PPFIA3: variants seen among roughly 807,000 people sequenced by gnomAD.
The protein encoded by PPFIA3 is PPFI scaffold protein A3.
PPFIA3 carries 26 observed loss-of-function variants against 145.8 expected under a neutral mutation model. The observed-to-expected ratio is 0.18, with a 90% confidence interval of 0.13 to 0.25. PPFIA3 has a LOEUF of 0.25. Ranked by LOEUF, PPFIA3 falls within the 10% of genes least tolerant of loss-of-function variation. The probability of loss-of-function intolerance (pLI) is 1.00; values close to 1 mark genes in which losing one functional copy is unlikely to be tolerated. For synonymous variants in PPFIA3, 645 were observed against 661.4 expected, an observed-to-expected ratio of 0.98 and a Z score of 0.38; for missense variants, 1,008 against 1,587.8, an observed-to-expected ratio of 0.63 and a Z score of 6.21.
chr19:49,139,625 G>A (rs372164014), intron 16 of PPFIA3, 43 bp from the exon 17 acceptor site: 1 of 1,520,430 alleles, frequency 6.6e-7, no homozygotes, highest in African/African-American at 1.4e-5. Context: ...CCCCCGACAT[G>A]ACTCTTTGAA....
At position 49,130,619 on chromosome 19, in the gene PPFIA3, G is replaced by C. The variant is rs373617726; in HGVS notation, c.879+20G>C. On this transcript the variant is annotated intron_variant, in intron 7 of 29. Transcript: ENST00000334186. This position sits in a 1 kb window ranked among gnomAD's most constrained non-coding sequence, Gnocchi z 4.5. ...AAGGAGGTGAGGCCCCCAGGGAGGCGGGCTGCCCTGGGTCCCTCGCCTTTC... is the reference window on the plus strand; with the variant it reads ...AAGGAGGTGAGGCCCCCAGGGAGGCCGGCTGCCCTGGGTCCCTCGCCTTTC... 110 of 1,542,360 alleles carry C rather than the reference G, an allele frequency of 7.1e-5. 1 individual carries two copies. The Admixed American group carries it at 8.1e-4, about 11-fold the overall frequency.
In PPFIA3 at chr19:49,140,070, C is replaced by A. The variant is rs979564073; in HGVS notation, c.2350C>A (p.Arg784=). The change falls in exon 18 of 30, where the codon CGG becomes AGG. Residue 784 remains arginine, a synonymous_variant. Transcript: ENST00000334186. ...GAAGGGACGAATGGGACCCCCAGGC[C>A]GGGACAGCTCTTCTCTGGGTGAGTA... ...KEKGRMGPPG[R]DSSSLAGTPS... is the part of the protein sequence containing the mutation. The A allele has an allele frequency of 1.9e-6, 3 of 1,613,952 alleles. No homozygotes were observed. Among genetic ancestry groups the A allele is most frequent in the Non-Finnish European group, 2.5e-6 (3 of 1,180,044 alleles).
rs2041201837 is a variant in PPFIA3, at chr19:49,140,228, C to G, written c.2368+140C>G. The G allele has an allele frequency of 3.4e-6, 4 of 1,170,964 alleles. No individual in the cohort carries two copies. The Admixed American group carries it at 9.8e-5, about 29-fold the overall frequency. The allele number at this position is 1,170,964 out of a possible 1,614,324, so 72.5% of individuals were successfully genotyped here. On this transcript the variant is annotated intron_variant, in intron 18 of 29. Coordinates refer to ENST00000334186, the MANE Select transcript of PPFIA3 (RefSeq NM_003660.4). ...ATTTATTTAGAATTTGGAAGGAACACAGCTTGCCAAGGTAGGCGGGAGGAG... is the reference window on the plus strand; with the variant it reads ...ATTTATTTAGAATTTGGAAGGAACAGAGCTTGCCAAGGTAGGCGGGAGGAG...
chr19:49,134,488 G>A, intron 11 of PPFIA3, 151 bp from the exon 12 acceptor site: 1 of 774,520 alleles, frequency 1.3e-6, no homozygotes, highest in Non-Finnish European at 2.2e-6. Flanking sequence ...CAGAAACATC[G>A]TTGCCCCTGC....
rs561486967 is a variant in PPFIA3, at chr19:49,141,763, A to T, written c.2462+250A>T. ...GTTTTTATTTTTTCTTTCTTTTTTT[A>T]AAAATTTTTTTTGTATTTTTTACAT... is the stretch of plus-strand genomic sequence containing the variant. On this transcript the variant is annotated intron_variant, in intron 19 of 29. Coordinates refer to ENST00000334186, the MANE Select transcript of PPFIA3 (RefSeq NM_003660.4). Among the ~76,000 whole-genome samples the T allele has an allele frequency of 6.4e-5, 9 of 140,186 alleles. No homozygotes were observed. In the South Asian group the frequency reaches 2.0e-3, roughly 32 times the overall value. 92.0% of individuals were successfully genotyped at this position (140,186 alleles called of 152,430 possible).
At chr19:49,138,889 T>G (rs965835383) in intron 16 of PPFIA3, among the ~76,000 whole-genome samples, 4 of 151,798 alleles carry the variant, frequency 2.6e-5, no homozygotes, top group African/African-American at 7.3e-5. Flanking sequence ...GAGAATCAAT[T>G]GAACCCAAGA....
In PPFIA3 at chr19:49,150,293, G is replaced by A; in HGVS notation, c.*71G>A. 2 of 808,408 alleles carry A rather than the reference G, an allele frequency of 2.5e-6. No homozygotes were observed. Among genetic ancestry groups the A allele is most frequent in the East Asian group, 2.8e-5 (1 of 36,032 alleles). The allele number at this position is 808,408 out of a possible 1,614,324, so 50.1% of individuals were successfully genotyped here. On this transcript the variant is annotated 3_prime_UTR_variant, in exon 30 of 30. Transcript: ENST00000334186. ...GGCTGGGCTGTTCCCTCTCCTGCCC[G>A]GACTGTGGCCTCGCCGGGGAGAGCG...
In PPFIA3 at chr19:49,128,578, G is replaced by T; in HGVS notation, c.342+110G>T. 1 of 1,051,002 alleles carries T rather than the reference G, an allele frequency of 9.5e-7. No homozygotes were observed. The highest frequency in any genetic ancestry group is 2.6e-5 in the East Asian group (1 of 38,688). The allele number at this position is 1,051,002 out of a possible 1,614,324, so 65.1% of individuals were successfully genotyped here. Reference sequence around the variant, plus strand: ...GTGACCTATTTTTTTCCCCCATCTCGCCTTTCTGTCTTCTCCTCTTCCCTG... The same window carrying T: ...GTGACCTATTTTTTTCCCCCATCTCTCCTTTCTGTCTTCTCCTCTTCCCTG... On this transcript the variant is annotated intron_variant, in intron 3 of 29. Coordinates refer to ENST00000334186, the MANE Select transcript of PPFIA3 (RefSeq NM_003660.4). This position sits in a 1 kb window ranked among gnomAD's most constrained non-coding sequence, Gnocchi z 4.1.
In PPFIA3 at chr19:49,149,999, G is replaced by A. The variant is rs571441737; in HGVS notation, c.3527-81G>A. ...CCGGCGATCGTTGTGACATCGGGAA[G>A]GGAAGTCCAAAGGGAGGAATCCTGG... is the stretch of plus-strand genomic sequence containing the variant. On this transcript the variant is annotated intron_variant, in intron 28 of 29. Coordinates refer to ENST00000334186, the MANE Select transcript of PPFIA3 (RefSeq NM_003660.4). This position sits in a 1 kb window ranked among gnomAD's most constrained non-coding sequence, Gnocchi z 5.7. 1 of 1,471,348 alleles carries A rather than the reference G, an allele frequency of 6.8e-7. No individual in the cohort carries two copies. Among genetic ancestry groups the A allele is most frequent in the South Asian group, 1.2e-5 (1 of 81,758 alleles). 91.1% of individuals were successfully genotyped at this position (1,471,348 alleles called of 1,614,324 possible). A position where few individuals can be genotyped will look rare whatever the true frequency, so the allele number is the denominator to read the frequency against.
At chr19:49,126,781 A>G (rs2041004589) in intron 1 of PPFIA3, among the ~76,000 whole-genome samples, 1 of 151,902 alleles carries the variant, frequency 6.6e-6, no homozygotes, top group Non-Finnish European at 1.5e-5. Flanking sequence ...TCTGGGCCTC[A>G]GTTTTCCTAC....
intron 21 of PPFIA3, among the ~76,000 whole-genome samples, chr19:49,143,966 C>G (rs144887653): frequency 6.6e-6 from 1 of 152,262 alleles, no homozygotes; most frequent in African/African-American, 2.4e-5. Context: ...ATCTCATACA[C>G]ATGCCTAAAA....
intron 23 of PPFIA3, among the ~76,000 whole-genome samples, 185 bp from the exon 24 acceptor site, chr19:49,147,898 A>G (rs1176541488): frequency 6.6e-6 from 1 of 152,188 alleles, no homozygotes; most frequent in Non-Finnish European, 1.5e-5. Context: ...AGCCAAGAGT[A>G]TATGCTGTCA....
intron 1 of PPFIA3, among the ~76,000 whole-genome samples, chr19:49,126,953 T>C (rs1311448862): frequency 6.6e-6 from 1 of 151,856 alleles, no homozygotes; most frequent in African/African-American, 2.4e-5. Context: ...GACCTCAGTT[T>C]TCCCAAATCC....
At position 49,128,670 on chromosome 19, in the gene PPFIA3, C is replaced by A. The variant is rs979373198; in HGVS notation, c.343-178C>A. 1.3e-6 allele frequency: 1 copy of A among 773,270 alleles called. No homozygotes were observed. The highest frequency in any genetic ancestry group is 2.0e-6 in the Non-Finnish European group (1 of 491,188). The allele number at this position is 773,270 out of a possible 1,614,324, so 47.9% of individuals were successfully genotyped here. ...TCCTCCCTGTCTCCATAACTTTTCTCTTTTCTGTACCACCGGTTCCTTGAC... is the reference window on the plus strand; with the variant it reads ...TCCTCCCTGTCTCCATAACTTTTCTATTTTCTGTACCACCGGTTCCTTGAC... On this transcript the variant is annotated intron_variant, in intron 3 of 29. Transcript: ENST00000334186. This position sits in a 1 kb window ranked among gnomAD's most constrained non-coding sequence, Gnocchi z 4.1.
At chr19:49,142,719 TC>T in intron 20 of PPFIA3, 84 bp from the exon 21 acceptor site, 1 of 1,212,426 alleles carries the variant, frequency 8.2e-7, no homozygotes, top group South Asian at 1.3e-5. Context: ...CCCTTGCCTT[TC>T]CCCACCTCCC....
At chr19:49,139,446 G>A (rs1359464698) in intron 16 of PPFIA3, among the ~76,000 whole-genome samples, 1 of 146,788 alleles carries the variant, frequency 6.8e-6, no homozygotes, top group African/African-American at 2.6e-5. Context: ...CCGAGATTGT[G>A]CCATTGCACT....
rs746605145 is a variant in PPFIA3 at position 49,149,210 on chromosome 19, C to T, written c.3285+42C>T. On this transcript the variant is annotated intron_variant, in intron 26 of 29. Coordinates refer to ENST00000334186, the MANE Select transcript of PPFIA3 (RefSeq NM_003660.4). This position sits in a 1 kb window ranked among gnomAD's most constrained non-coding sequence, Gnocchi z 5.7. ...CCCGGAGCATGCTGGGCGTCCCCAC[C>T]TCGCAGACTGCACGCTCCAACCGCC... The T allele has an allele frequency of 1.2e-6, 2 of 1,614,016 alleles. No individual in the cohort carries two copies. The highest frequency in any genetic ancestry group is 1.7e-6 in the Non-Finnish European group (2 of 1,179,938).
chr19:49,145,617 C>A, intron 21 of PPFIA3: 3 of 379,214 alleles, frequency 7.9e-6, no homozygotes, highest in South Asian at 5.6e-5. Context: ...ACATTTGCAC[C>A]ATGGCTGTGT....
intron 13 of PPFIA3, 106 bp downstream of exon 13, chr19:49,135,021 CCT>C (rs948429886): frequency 1.9e-5 from 18 of 949,970 alleles, no homozygotes; most frequent in African/African-American, 1.5e-4. Flanking sequence ...ACTTCTGACC[CCT>C]CTGTTTTTGT....
Sources: allele counts gnomAD v4.1 joint callset (sites outside exome capture counted in the v4.1 genomes callset), GRCh38; gene constraint gnomAD v4.1.1; non-coding constraint Gnocchi (gnomAD v3.1); transcripts MANE v1.5; gene names NCBI Gene and HGNC (gene_info 2026-07-23, HGNC 2026-07-21).